The following RHOBTB3 variants were observed in gnomAD, a reference collection of about 807,000 sequenced individuals.
RHOBTB3 encodes rho-related BTB domain-containing protein 3.
A neutral mutation model predicts 67.2 loss-of-function variants in RHOBTB3; 47 were observed. The observed-to-expected ratio is 0.70, with a 90% CI of 0.55 to 0.89. The LOEUF is 0.89. RHOBTB3 is among the 40% of genes least tolerant of loss of function. The pLI, the probability that RHOBTB3 is intolerant of heterozygous loss-of-function variation, is 0.00. For synonymous variants in RHOBTB3, 273 were observed against 274.2 expected (o/e 1.00, Z 0.04); for missense variants, 631 against 750.0 (o/e 0.84, Z 1.85).
chr5:95,750,946 C>G (rs981520806), intron 4 of RHOBTB3, among the ~76,000 whole-genome samples: 2 of 152,200 alleles, frequency 1.3e-5, no homozygotes, highest in East Asian at 1.9e-4. Context: ...ATAAATCTTG[C>G]CTGCCAGGCT....
At chr5:95,760,274 GC>G (rs761780732) in intron 6 of RHOBTB3, among the ~76,000 whole-genome samples, 2 of 152,198 alleles carry the variant, frequency 1.3e-5, no homozygotes, top group Non-Finnish European at 2.9e-5. Flanking sequence ...GATAAGTGAA[GC>G]CAGCCCTTTC....
intron 6 of RHOBTB3, among the ~76,000 whole-genome samples, chr5:95,760,417 C>T (rs1011497576): frequency 6.6e-6 from 1 of 152,144 alleles, no homozygotes; most frequent in Non-Finnish European, 1.5e-5. Flanking sequence ...TTTGTAAGAA[C>T]CTCAAGAATT....
intron 2 of RHOBTB3, chr5:95,732,298 T>A: frequency 1.6e-6 from 1 of 612,000 alleles, no homozygotes; most frequent in Non-Finnish European, 2.9e-6. Context: ...AAGGCCCCAG[T>A]GGGAATGTGG....
At chr5:95,784,179 G>A (rs943358914) in intron 10 of RHOBTB3, among the ~76,000 whole-genome samples, 2 of 152,168 alleles carry the variant, frequency 1.3e-5, no homozygotes, top group African/African-American at 2.4e-5. Flanking sequence ...GAGGCAAAAT[G>A]TCCAGATACG....
intron 4 of RHOBTB3, among the ~76,000 whole-genome samples, chr5:95,749,934 A>G (rs554066082): frequency 6.6e-6 from 1 of 152,122 alleles, no homozygotes; most frequent in Non-Finnish European, 1.5e-5. Context: ...TTTCTTCCTA[A>G]TATCTAATGT....
intron 3 of RHOBTB3, among the ~76,000 whole-genome samples, chr5:95,740,945 A>G (rs1051746670): frequency 6.6e-6 from 1 of 152,198 alleles, no homozygotes; most frequent in African/African-American, 2.4e-5. Context: ...TTTAGCATGT[A>G]TCATCTAAGA....
rs777259122 is a variant in RHOBTB3, at chr5:95,748,407, C to T, written c.490C>T (p.Leu164Phe). 19 of 1,613,232 alleles carry T rather than the reference C, an allele frequency of 1.2e-5. No homozygotes were observed. The highest frequency in any genetic ancestry group is 1.4e-5 in the Non-Finnish European group (17 of 1,179,382). The change falls in exon 4 of 12, where the codon CTT (leucine) becomes TTT (phenylalanine). Residue 164 changes from leucine to phenylalanine, a missense_variant. Physicochemically the swap from Leu to Phe is conservative, Grantham distance 22 (BLOSUM62 0). Coordinates refer to ENST00000379982, the MANE Select transcript of RHOBTB3 (RefSeq NM_014899.4). ...TGTTAGTACAACTGAAGGGATCCAA[C>T]TTGCAAAAGAACTAGGAGCGACCTA... ...SCVSTTEGIQ[L>F]AKELGATYLE...
intron 10 of RHOBTB3, among the ~76,000 whole-genome samples, chr5:95,787,453 T>TA (rs34798964): frequency 4.9e-4 from 72 of 148,230 alleles, no homozygotes; most frequent in South Asian, 4.2e-3. Context: ...TATACAGCTT[T>TA]AAAAAAAAAA....
Position 95,732,016 on chromosome 5 carries a change from G to A in RHOBTB3, c.160G>A (p.Val54Met). Residue 54 changes from valine to methionine, a missense_variant, in exon 2 of 12, where the codon GTG (valine) becomes ATG (methionine). Val to Met is a conservative substitution (Grantham distance 21, BLOSUM62 1). Transcript: ENST00000379982. ...CGCGGCCAGCACGGTCGCGCGTCCG[G>A]TGTTCACCGAGTATCAGGCCAGTGC... ...LNAASTVARP[V>M]FTEYQASAFG... The A allele has an allele frequency of 6.2e-7, 1 of 1,614,242 alleles. No individual in the cohort carries two copies. Among genetic ancestry groups the A allele is most frequent in the South Asian group, 1.1e-5 (1 of 91,088 alleles).
Position 95,731,655 on chromosome 5 carries a change from T to C in RHOBTB3, c.-28T>C. 1.2e-6 allele frequency: 2 copies of C among 1,612,886 alleles called. No individual in the cohort carries two copies. The highest frequency in any genetic ancestry group is 1.7e-6 in the Non-Finnish European group (2 of 1,179,634). On this transcript the variant is annotated 5_prime_UTR_variant, in exon 1 of 12. Coordinates refer to ENST00000379982, the MANE Select transcript of RHOBTB3 (RefSeq NM_014899.4). ...CCGTGAGCCGCTGCTTTTCTCCGAG[T>C]CGCCGCCCTGCCCTTGGATTTGAGA...
At chr5:95,720,211 C>T (rs897118601) in intron 1 of RHOBTB3, among the ~76,000 whole-genome samples, 1 of 152,128 alleles carries the variant, frequency 6.6e-6, no homozygotes, top group East Asian at 1.9e-4. Flanking sequence ...GAAGAATGAG[C>T]CTTGGATAAT....
At chr5:95,789,656 G>T (rs1388325703) in intron 11 of RHOBTB3, 1 of 152,132 alleles carries the variant, frequency 6.6e-6, no homozygotes, top group African/African-American at 2.4e-5. Flanking sequence ...GTCTTCTAGG[G>T]TGGGGGACAG....
At chr5:95,735,180 G>T (rs2112774221) in intron 2 of RHOBTB3, among the ~76,000 whole-genome samples, 2 of 151,548 alleles carry the variant, frequency 1.3e-5, no homozygotes, top group Non-Finnish European at 2.9e-5. Context: ...TCTGCACTGT[G>T]TCCCACTTCC....
intron 3 of RHOBTB3, among the ~76,000 whole-genome samples, chr5:95,741,169 A>G (rs564259321): frequency 6.6e-6 from 1 of 152,168 alleles, no homozygotes; most frequent in South Asian, 2.1e-4. Flanking sequence ...TCTACTAAAA[A>G]TATGAAAAAT....
chr5:95,738,550 C>T (rs1316863103), intron 3 of RHOBTB3, among the ~76,000 whole-genome samples: 3 of 151,980 alleles, frequency 2.0e-5, no homozygotes, highest in Non-Finnish European at 4.4e-5. Flanking sequence ...TGGGAGTGGG[C>T]TCCTGATAAA....
At chr5:95,727,196 T>C (rs1755082398), upstream of RHOBTB3, among the ~76,000 whole-genome samples, 1 of 152,246 alleles carries the variant, frequency 6.6e-6, no homozygotes, top group Admixed American at 6.5e-5. Context: ...AAGATGCCTT[T>C]GTCAGAGTTC....
chr5:95,770,431 C>T (rs1041876454), intron 8 of RHOBTB3: 23 of 249,116 alleles, frequency 9.2e-5, no homozygotes, highest in Non-Finnish European at 1.3e-4. Flanking sequence ...AACATTCTGG[C>T]AGTGACCACT....
intron 1 of RHOBTB3, among the ~76,000 whole-genome samples, chr5:95,718,483 C>T (rs571006490): frequency 1.3e-4 from 20 of 152,292 alleles, no homozygotes; most frequent in African/African-American, 4.3e-4. Flanking sequence ...CCAGCTGATG[C>T]CTCCGTTTTC....
chr5:95,766,801 C>T (rs767693540), intron 7 of RHOBTB3, among the ~76,000 whole-genome samples: 13 of 152,044 alleles, frequency 8.6e-5, no homozygotes, highest in African/African-American at 1.5e-4. Flanking sequence ...ACAGGACAGA[C>T]GAGTTATCAA....
Sources: allele counts gnomAD v4.1 joint callset (sites outside exome capture counted in the v4.1 genomes callset), GRCh38; gene constraint gnomAD v4.1.1; transcripts MANE v1.5; gene names NCBI Gene and HGNC (gene_info 2026-07-23, HGNC 2026-07-21).